AKAP9: variants seen among roughly 807,000 people sequenced by gnomAD.
AKAP9 encodes the protein A-kinase anchor protein 9.
AKAP9 carries 311 observed loss-of-function variants against 488.5 expected under a neutral mutation model. The observed-to-expected ratio is 0.64, with a 90% CI of 0.58 to 0.70. AKAP9 has a LOEUF of 0.70. AKAP9 is among the 30% of genes least tolerant of loss of function. The pLI is 0.00. For synonymous variants in AKAP9, 1,462 were observed against 1,483.5 expected (o/e 0.99, Z 0.33); for missense variants, 4,215 against 4,374.5 (o/e 0.96, Z 1.03).
At position 92,002,874 on chromosome 7, in the gene AKAP9, A is replaced by C; in HGVS notation, c.2957A>C (p.Glu986Ala). The C allele has an allele frequency of 6.2e-7, 1 of 1,612,802 alleles. No individual in the cohort carries two copies. Among genetic ancestry groups the C allele is most frequent in the Non-Finnish European group, 8.5e-7 (1 of 1,179,416 alleles). ...GAAGAAGTTAAATCTTTAAAGCAAG[A>C]GAAAGAACAAGTTTCATTGAGATGT... ...LNEEVKSLKQ[E>A]KEQVSLRCRE... is the part of the protein sequence containing the mutation. The change falls in exon 8 of 50, where the codon GAG becomes GCG. Residue 986 changes from glutamate (E) to alanine (A), a missense_variant. By Grantham distance (107) the Glu-to-Ala change is moderately radical. This residue lies in a region of AKAP9 where 2,361 missense variants were observed against 2,430.0 expected (regional missense o/e 0.97). Transcript: ENST00000356239.
intron 13 of AKAP9, among the ~76,000 whole-genome samples, chr7:92,022,598 A>G (rs746480948): frequency 5.4e-4 from 82 of 152,162 alleles, no homozygotes; most frequent in Non-Finnish European, 7.4e-5. Flanking sequence ...TGGATTTAGG[A>G]GTACTACAGC....
intron 3 of AKAP9, among the ~76,000 whole-genome samples, chr7:91,985,343 A>G (rs1796936627): frequency 1.3e-5 from 2 of 152,260 alleles, no homozygotes; most frequent in Admixed American, 6.5e-5. Flanking sequence ...AATTTTGTTA[A>G]AGGCCTTTTC....
intron 1 of AKAP9, among the ~76,000 whole-genome samples, chr7:91,948,003 A>G (rs1791681180): frequency 6.6e-6 from 1 of 152,140 alleles, no homozygotes; most frequent in South Asian, 2.1e-4. Flanking sequence ...CACTCTCTGG[A>G]TTTACCAGTT....
At chr7:92,058,350 A>G (rs1258487021) in intron 22 of AKAP9, 1 of 571,466 alleles carries the variant, frequency 1.7e-6, no homozygotes. Context: ...CATTTTATTC[A>G]TAAAAGAAAC....
chr7:91,999,257 G>A (rs917933838), intron 7 of AKAP9, among the ~76,000 whole-genome samples: 5 of 152,138 alleles, frequency 3.3e-5, no homozygotes, highest in South Asian at 2.1e-4. Context: ...ACAGAGTCTC[G>A]CTCTGTCTCC....
intron 22 of AKAP9, chr7:92,057,940 A>G: frequency 4.4e-6 from 1 of 227,140 alleles, no homozygotes; most frequent in Admixed American, 5.7e-5. Flanking sequence ...AGGGGGCATC[A>G]AGATTGATAG....
At chr7:91,980,177 T>G (rs1031091064) in intron 2 of AKAP9, 112 bp from the exon 3 acceptor site, 3 of 559,302 alleles carry the variant, frequency 5.4e-6, no homozygotes, top group Non-Finnish European at 9.6e-6. Context: ...AGTTTTTTAG[T>G]GGTATTTTAT....
chr7:91,980,495 CTTTTTTTTTT>C (rs60385804), intron 3 of AKAP9, among the ~76,000 whole-genome samples, 162 bp downstream of exon 3: 6 of 48,756 alleles, frequency 1.2e-4, no homozygotes, highest in South Asian at 1.1e-3. Context: ...GTATTACTGA[CTTTTTTTTTT>C]TTTTTTTTTT....
chr7:91,994,674 C>T lies in AKAP9; in HGVS notation c.630C>T (p.Leu210=). The stretch of plus-strand genomic sequence containing the variant: ...AAAGAGATGGCATTATAACCCAGCT[C>T]ACTGCTAATTTACAACAAGCAAGAA... ...IKQRDGIITQ[L]TANLQQARRE... The change falls in exon 6 of 50, where the codon CTC becomes CTT. Residue 210 remains leucine, a synonymous_variant. Transcript: ENST00000356239. The T allele has an allele frequency of 6.2e-7, 1 of 1,613,270 alleles. No individual in the cohort carries two copies.
chr7:92,036,934 C>T (rs1336793459), intron 16 of AKAP9, among the ~76,000 whole-genome samples: 1 of 152,260 alleles, frequency 6.6e-6, no homozygotes, highest in Non-Finnish European at 1.5e-5. Context: ...AGCATAGGCA[C>T]CCAGAGGTCC....
At chr7:92,021,030 C>T (rs187149036) in intron 12 of AKAP9, among the ~76,000 whole-genome samples, 15 of 152,220 alleles carry the variant, frequency 9.9e-5, no homozygotes, top group African/African-American at 3.6e-4. Context: ...GCTTTATTTC[C>T]CCCTCCGTAT....
chr7:92,074,347 A>G (rs1438391414), intron 28 of AKAP9, among the ~76,000 whole-genome samples: 3 of 152,230 alleles, frequency 2.0e-5, no homozygotes, highest in Non-Finnish European at 4.4e-5. Context: ...AAAGGTAATC[A>G]TTAAAGAGGA....
At chr7:92,008,470 G>A (rs372927927) in intron 8 of AKAP9, among the ~76,000 whole-genome samples, 17 of 152,122 alleles carry the variant, frequency 1.1e-4, no homozygotes, top group South Asian at 8.3e-4. Context: ...GGTGGATCAC[G>A]AGGCCAGGAG....
At chr7:91,989,493 G>A (rs1797509381) in intron 3 of AKAP9, among the ~76,000 whole-genome samples, 1 of 151,982 alleles carries the variant, frequency 6.6e-6, no homozygotes. Flanking sequence ...CTTTGAGCAG[G>A]GTTATTTGGA....
At chr7:91,974,015 G>C (rs1485906431) in intron 2 of AKAP9, 47 bp downstream of exon 2, 1 of 1,607,554 alleles carries the variant, frequency 6.2e-7, no homozygotes, top group Admixed American at 1.7e-5. Context: ...TCGATGGAAA[G>C]TAGTCATAAC....
intron 7 of AKAP9, among the ~76,000 whole-genome samples, chr7:91,998,673 T>G (rs192023251): frequency 9.2e-5 from 14 of 152,148 alleles, no homozygotes; most frequent in African/African-American, 3.4e-4. Flanking sequence ...AGTTAAATTT[T>G]GTAACATTAA....
At chr7:92,089,766 C>G (rs1000071691) in intron 38 of AKAP9, 6 of 362,074 alleles carry the variant, frequency 1.7e-5, no homozygotes, top group Non-Finnish European at 3.1e-5. Context: ...AAGGTTAAGC[C>G]CATTGGATTC....
At chr7:92,024,435 G>T (rs1310026136) in intron 14 of AKAP9, among the ~76,000 whole-genome samples, 1 of 131,118 alleles carries the variant, frequency 7.6e-6, no homozygotes, top group Admixed American at 7.7e-5. Flanking sequence ...TATTATGTGT[G>T]TGTGTATATA....
At chr7:92,085,013 A>C in intron 35 of AKAP9, 73 bp downstream of exon 35, 3 of 1,539,688 alleles carry the variant, frequency 1.9e-6, no homozygotes, top group Non-Finnish European at 2.7e-6. Context: ...GTTCATTAGA[A>C]GTTATATGGT....
Sources: gnomAD v4.1 joint callset for allele counts (sites outside exome capture counted in the v4.1 genomes callset) on GRCh38, gnomAD v4.1.1 for gene constraint, gnomAD v4.1.1 regional missense constraint, MANE v1.5 for transcripts, NCBI Gene and HGNC (gene_info 2026-07-23, HGNC 2026-07-21) for gene names.